The following ATP8A2 variants were observed in gnomAD, a reference collection of about 807,000 sequenced individuals.
The protein encoded by ATP8A2 is phospholipid-transporting ATPase IB.
In ATP8A2, 100 loss-of-function variants were observed where a neutral mutation model predicts 165.6. The observed-to-expected ratio is 0.60, with a 90% confidence interval of 0.51 to 0.71. The LOEUF is 0.71. Ranked by LOEUF, ATP8A2 falls within the 30% of genes least tolerant of loss-of-function variation. The pLI is 0.00. For missense variants in ATP8A2, 1,227 were observed against 1,479.5 expected (o/e 0.83, Z 2.80); for synonymous variants, 543 against 548.8 (o/e 0.99, Z 0.15).
chr13:25,993,396 C>T (rs556044148), intron 35 of ATP8A2, among the ~76,000 whole-genome samples: 3 of 152,178 alleles, frequency 2.0e-5, no homozygotes, highest in African/African-American at 7.2e-5. Flanking sequence ...GAAGTTCTGG[C>T]CAGGGCAATT....
intron 33 of ATP8A2, among the ~76,000 whole-genome samples, chr13:25,933,492 A>T (rs1023323849): frequency 6.6e-6 from 1 of 152,130 alleles, no homozygotes; most frequent in Non-Finnish European, 1.5e-5. Flanking sequence ...TTTTAAATTC[A>T]TGTTAAAGTG....
chr13:25,559,121 T>G, intron 14 of ATP8A2, 60 bp downstream of exon 14: 1 of 1,173,138 alleles, frequency 8.5e-7, no homozygotes, highest in Non-Finnish European at 1.3e-6. Flanking sequence ...AATAAGTTTA[T>G]TTTTAGCTAC....
intron 24 of ATP8A2, among the ~76,000 whole-genome samples, chr13:25,641,853 A>ATAC (rs200030652): frequency 0.97 from 146,757 of 150,776 alleles, 71,448 homozygotes; most frequent in East Asian, 1. Flanking sequence ...ACTTCAAACT[A>ATAC]TACAAGGCTA....
At chr13:25,628,547 A>G (rs1469428931) in intron 24 of ATP8A2, among the ~76,000 whole-genome samples, 2 of 151,922 alleles carry the variant, frequency 1.3e-5, no homozygotes, top group Admixed American at 6.6e-5. Context: ...CTAGGCTGCT[A>G]TGACAAAATA....
rs575703297 is a variant in ATP8A2, at chr13:25,396,259, C to T, written c.76+23971C>T. ...TTGGTGTGGAGTGGGATCCTCTCTG[C>T]AATGAGGAACTTAGGGCCTACAGTC... On this transcript the variant is annotated intron_variant, in intron 1 of 36. Coordinates refer to ENST00000381655, the MANE Select transcript of ATP8A2 (RefSeq NM_016529.6). Among the ~76,000 whole-genome samples the T allele has an allele frequency of 1.3e-4, 20 of 152,298 alleles. No individual in the cohort carries two copies. The South Asian group carries it at 4.2e-3, about 32-fold the overall frequency.
intron 24 of ATP8A2, among the ~76,000 whole-genome samples, chr13:25,690,202 A>G (rs2042693953): frequency 6.6e-6 from 1 of 151,798 alleles, no homozygotes. Flanking sequence ...AAATAGTAGT[A>G]ATTAATAGTG....
In ATP8A2 at chr13:25,481,352, A is replaced by C. The variant is rs374452498; in HGVS notation, c.221+12231A>C. 1.1e-4 allele frequency among the ~76,000 whole-genome samples: 16 copies of C among 152,330 alleles called. No individual in the cohort carries two copies. In the South Asian group the frequency reaches 3.3e-3, roughly 32 times the overall value. On this transcript the variant is annotated intron_variant, in intron 2 of 36. Transcript: ENST00000381655. ...GCGACTGTGTGGCCAACTTCAGGCC[A>C]GTGGTCTCTCAGAAGAGTCACATGG...
At position 25,372,926 on chromosome 13, in the gene ATP8A2, C is replaced by A. The variant is rs2032478451; in HGVS notation, c.76+638C>A. Among the ~76,000 whole-genome samples, 1 of 152,184 alleles carries A rather than the reference C, an allele frequency of 6.6e-6. No homozygotes were observed. Among genetic ancestry groups the A allele is most frequent in the African/African-American group, 2.4e-5 (1 of 41,436 alleles). ...ACACACACGTACACACGCACGCGTA[C>A]ACATACCCTGCCTGCAGGCGCCTGG... On this transcript the variant is annotated intron_variant, in intron 1 of 36. Transcript: ENST00000381655. This position sits in a 1 kb window ranked among gnomAD's most constrained non-coding sequence, Gnocchi z 4.8.
Position 25,372,739 on chromosome 13 carries a change from A to G in ATP8A2, c.76+451A>G, listed in dbSNP as rs1227699322. ...TGCAGAGCTCAAAAGCAGAGGGGGA[A>G]AAAGGCATCCGAAGGGTCCCTCGAG... On this transcript the variant is annotated intron_variant, in intron 1 of 36. Transcript: ENST00000381655. The surrounding 1 kb of genome is among the most constrained non-coding windows in gnomAD (Gnocchi z 4.8). 2.0e-5 allele frequency among the ~76,000 whole-genome samples: 3 copies of G among 152,206 alleles called. No individual in the cohort carries two copies. The highest frequency in any genetic ancestry group is 7.2e-5 in the African/African-American group (3 of 41,458).
chr13:25,448,308 G>T (rs1380688799), intron 1 of ATP8A2, among the ~76,000 whole-genome samples: 1 of 152,190 alleles, frequency 6.6e-6, no homozygotes, highest in Non-Finnish European at 1.5e-5. Flanking sequence ...GAACATTTCA[G>T]AGGGAAACTT....
chr13:25,724,685 T>G (rs1212336131), intron 25 of ATP8A2, among the ~76,000 whole-genome samples: 1 of 152,174 alleles, frequency 6.6e-6, no homozygotes, highest in Non-Finnish European at 1.5e-5. Context: ...CTTGGGTCAT[T>G]TCCTGGGAGT....
intron 2 of ATP8A2, among the ~76,000 whole-genome samples, chr13:25,473,249 T>A (rs2137540969): frequency 6.6e-6 from 1 of 152,324 alleles, no homozygotes; most frequent in African/African-American, 2.4e-5. Context: ...ACCACCAGTG[T>A]TTGATCTGAA....
intron 25 of ATP8A2, among the ~76,000 whole-genome samples, chr13:25,754,586 A>G (rs1344953755): frequency 6.6e-6 from 1 of 152,160 alleles, no homozygotes; most frequent in African/African-American, 2.4e-5. Flanking sequence ...AGCCCCATGT[A>G]ACTAAGGGAA....
At chr13:25,440,219 A>G (rs547219303) in intron 1 of ATP8A2, among the ~76,000 whole-genome samples, 2 of 152,126 alleles carry the variant, frequency 1.3e-5, no homozygotes, top group Non-Finnish European at 2.9e-5. Context: ...GGAATGAATC[A>G]TCTGGTGTTA....
At chr13:25,757,827 C>A (rs1245164978) in intron 25 of ATP8A2, among the ~76,000 whole-genome samples, 1 of 152,102 alleles carries the variant, frequency 6.6e-6, no homozygotes, top group Non-Finnish European at 1.5e-5. Context: ...GGTACCCTCC[C>A]AATCCAAGCG....
At chr13:25,722,800 C>T (rs1459450967) in intron 25 of ATP8A2, among the ~76,000 whole-genome samples, 1 of 152,212 alleles carries the variant, frequency 6.6e-6, no homozygotes, top group Non-Finnish European at 1.5e-5. Context: ...AGATCATATC[C>T]TCCTTTCTAT....
intron 24 of ATP8A2, among the ~76,000 whole-genome samples, chr13:25,667,182 C>G (rs1242760011): frequency 6.6e-6 from 1 of 152,124 alleles, no homozygotes; most frequent in Non-Finnish European, 1.5e-5. Flanking sequence ...TGTTTTCTGT[C>G]TCTATGGATT....
chr13:25,457,896 A>G (rs894678808), intron 1 of ATP8A2, among the ~76,000 whole-genome samples: 4 of 152,246 alleles, frequency 2.6e-5, no homozygotes, highest in African/African-American at 9.6e-5. Context: ...AGTTGGGAAC[A>G]AAAGTGAATG....
At chr13:25,949,516 T>G (rs1955294385) in intron 33 of ATP8A2, among the ~76,000 whole-genome samples, 2 of 152,210 alleles carry the variant, frequency 1.3e-5, no homozygotes, top group South Asian at 4.1e-4. Context: ...CACAGGAAGA[T>G]TGCAATCTAG....
Sources: allele counts gnomAD v4.1 joint callset (sites outside exome capture counted in the v4.1 genomes callset), GRCh38; gene constraint gnomAD v4.1.1; non-coding constraint Gnocchi (gnomAD v3.1); transcripts MANE v1.5; gene names NCBI Gene and HGNC (gene_info 2026-07-23, HGNC 2026-07-21).